SMARCA2: variants seen among roughly 807,000 people sequenced by gnomAD.
The protein encoded by SMARCA2 is SWI/SNF related BAF chromatin remodeling complex subunit ATPase 2.
A neutral mutation model predicts 199.8 loss-of-function variants in SMARCA2; 61 were observed. The observed-to-expected ratio is 0.31, with a 90% CI of 0.25 to 0.38. The LOEUF (loss-of-function observed/expected upper bound fraction) is 0.38, where lower values mean the gene tolerates loss of function less well. Among genes scored for constraint, SMARCA2 ranks in the 10% least tolerant of loss-of-function variants. SMARCA2 has a pLI of 1.00. For missense variants in SMARCA2, 1,344 were observed against 2,012.2 expected (o/e 0.67, Z 6.35); for synonymous variants, 935 against 732.0 (o/e 1.28, Z -4.48).
At chr9:2,160,022 G>T in intron 27 of SMARCA2, 2 of 1,419,030 alleles carry the variant, frequency 1.4e-6, no homozygotes, top group Non-Finnish European at 1.9e-6. Flanking sequence ...GTGTGCAACT[G>T]GGTGCTTGAG....
intron 9 of SMARCA2, among the ~76,000 whole-genome samples, chr9:2,069,268 G>A (rs1202624360): frequency 6.6e-6 from 1 of 151,744 alleles, no homozygotes; most frequent in Non-Finnish European, 1.5e-5. Flanking sequence ...GCACATAGAA[G>A]TTAATGGACT....
At chr9:2,190,206 A>C (rs918908150) in intron 32 of SMARCA2, among the ~76,000 whole-genome samples, 3 of 152,210 alleles carry the variant, frequency 2.0e-5, no homozygotes, top group Admixed American at 6.5e-5. Context: ...TGAAGGTGGA[A>C]ATGGGTGCAG....
intron 12 of SMARCA2, among the ~76,000 whole-genome samples, chr9:2,073,902 T>G (rs771084568): frequency 6.6e-6 from 1 of 152,184 alleles, no homozygotes; most frequent in African/African-American, 2.4e-5. Context: ...TGGGAGATGG[T>G]GAAGTGGTCT....
chr9:2,143,197 A>C (rs145986386), intron 27 of SMARCA2, among the ~76,000 whole-genome samples: 2 of 152,304 alleles, frequency 1.3e-5, no homozygotes, highest in Non-Finnish European at 2.9e-5. Context: ...AAGAGGGATC[A>C]GGAGAGTTCC....
intron 2 of SMARCA2, among the ~76,000 whole-genome samples, chr9:2,029,668 G>A (rs369780562): frequency 5.3e-5 from 8 of 152,218 alleles, no homozygotes; most frequent in Admixed American, 2.0e-4. Context: ...ATCCCAAAGA[G>A]TAGAAGGAAA....
At chr9:2,025,746 G>A (rs985353725) in intron 1 of SMARCA2, among the ~76,000 whole-genome samples, 3 of 152,112 alleles carry the variant, frequency 2.0e-5, no homozygotes, top group Admixed American at 2.0e-4. Flanking sequence ...ATTTCCCCAG[G>A]TTTCTTCATA....
In SMARCA2 at chr9:2,166,059, C is replaced by T. The variant is rs74457768; in HGVS notation, c.4199+4156C>T. The stretch of plus-strand genomic sequence containing the variant: ...TTAAAAGGGATGCAGCCATCTGACC[C>T]CTAGCTATTTGTTCTACTTGGAACC... On this transcript the variant is annotated intron_variant, in intron 28 of 33. Coordinates refer to ENST00000349721, the MANE Select transcript of SMARCA2 (RefSeq NM_003070.5). Among the ~76,000 whole-genome samples the T allele has an allele frequency of 1.8e-3, 273 of 152,292 alleles. 1 individual carries two copies. Among genetic ancestry groups the T allele is most frequent in the Admixed American group, 2.7e-3 (42 of 15,294 alleles).
chr9:2,048,270 A>C (rs1260720750), intron 5 of SMARCA2, among the ~76,000 whole-genome samples: 1 of 152,182 alleles, frequency 6.6e-6, no homozygotes, highest in Non-Finnish European at 1.5e-5. Context: ...AGTCAAGATA[A>C]AATGAAGCTA....
At chr9:2,116,164 G>T in intron 25 of SMARCA2, 115 bp downstream of exon 25, 2 of 750,864 alleles carry the variant, frequency 2.7e-6, no homozygotes, top group Admixed American at 4.6e-5. Context: ...TGAAAATGAA[G>T]AAATAAACTG....
At chr9:2,046,886 C>G (rs1819871280) in intron 4 of SMARCA2, among the ~76,000 whole-genome samples, 1 of 152,178 alleles carries the variant, frequency 6.6e-6, no homozygotes, top group African/African-American at 2.4e-5. Context: ...CAGTAGTTTC[C>G]TTAATCAATT....
In SMARCA2 at chr9:2,039,776, ACAGCAGCAGCAGCAGCAGCAGCAG is replaced by A. The variant is rs113070757; in HGVS notation, c.684_707del (p.Gln231_Gln238del). On this transcript the variant is annotated inframe_deletion, in exon 4 of 34. Transcript: ENST00000349721. The surrounding 1 kb of genome is among the most constrained non-coding windows in gnomAD (Gnocchi z 4.8). ...GCTTGCAGCAACAACAGCAGCAGCA[ACAGCAGCAGCAGCAGCAGCAGCAG>A]CAGCAGCAGCAGCAGCAACAGCAGC... 4.4e-5 allele frequency: 70 copies of A among 1,596,348 alleles called. No individual in the cohort carries two copies. The highest frequency in any genetic ancestry group is 1.6e-4 in the Admixed American group (9 of 57,844).
rs928139514 is a variant in SMARCA2, at chr9:2,119,951, C to G, written c.3762+416C>G. On this transcript the variant is annotated intron_variant, in intron 26 of 33. Coordinates refer to ENST00000349721, the MANE Select transcript of SMARCA2 (RefSeq NM_003070.5). The surrounding 1 kb of genome is among the most constrained non-coding windows in gnomAD (Gnocchi z 4.6). ...TCCCAGGCCAGTGTCATTCAGGAAG[C>G]CTACCTGGCTCCTATAGGCATTGGA... 1.3e-5 allele frequency among the ~76,000 whole-genome samples: 2 copies of G among 152,216 alleles called. No individual in the cohort carries two copies. Among genetic ancestry groups the G allele is most frequent in the African/African-American group, 4.8e-5 (2 of 41,448 alleles).
intron 25 of SMARCA2, among the ~76,000 whole-genome samples, chr9:2,118,551 T>C (rs1823317651): frequency 6.6e-6 from 1 of 152,188 alleles, no homozygotes; most frequent in Admixed American, 6.5e-5. Context: ...TTCCCTCGAC[T>C]GATACACTGA....
Position 2,039,800 on chromosome 9 carries a change from GCAGCAGCAGCAGCAGCAA to G in SMARCA2, c.698_715del (p.Gln233_Gln238del), listed in dbSNP as rs1482658351. 6 of 1,605,076 alleles carry G rather than the reference GCAGCAGCAGCAGCAGCAA, an allele frequency of 3.7e-6. No homozygotes were observed. In the African/African-American group the frequency reaches 4.0e-5, roughly 11 times the overall value. ...AACAGCAGCAGCAGCAGCAGCAGCA[GCAGCAGCAGCAGCAGCAA>G]CAGCAGCCGCAGCAGCAGCCGCCGC... is the stretch of plus-strand genomic sequence containing the variant. On this transcript the variant is annotated inframe_deletion, in exon 4 of 34. Transcript: ENST00000349721. The surrounding 1 kb of genome is among the most constrained non-coding windows in gnomAD (Gnocchi z 4.8).
intron 27 of SMARCA2, among the ~76,000 whole-genome samples, chr9:2,154,529 G>A (rs185687107): frequency 1.0e-3 from 156 of 152,246 alleles, no homozygotes; most frequent in Admixed American, 1.9e-3. Context: ...TTAATTTGAT[G>A]TTCTTAACCA....
At position 2,047,280 on chromosome 9, in the gene SMARCA2, C is replaced by A; in HGVS notation, c.842C>A (p.Pro281His). ...AGCACCCCGCAGAAGCTGCCGGTGC[C>A]CGCGCCCGGCGGCCGGCCCTCGCCC... ...GPSTPQKLPV[P>H]APGGRPSPAP... Residue 281 changes from proline (P) to histidine (H), a missense_variant, in exon 5 of 34, where the codon CCC becomes CAC. Around this residue, in one of 18 missense-constraint regions of SMARCA2, gnomAD observed 117 missense variants for 99.1 expected, o/e 1.18. Coordinates refer to ENST00000349721, the MANE Select transcript of SMARCA2 (RefSeq NM_003070.5). 2 of 994,682 alleles carry A rather than the reference C, an allele frequency of 2.0e-6. No individual in the cohort carries two copies. The highest frequency in any genetic ancestry group is 9.1e-5 in the South Asian group (2 of 21,976). 61.6% of individuals were successfully genotyped at this position (994,682 alleles called of 1,614,324 possible). A position where few individuals can be genotyped will look rare whatever the true frequency, so the allele number is the denominator to read the frequency against.
chr9:2,188,879 G>T (rs1827679931), intron 32 of SMARCA2, among the ~76,000 whole-genome samples: 1 of 152,178 alleles, frequency 6.6e-6, no homozygotes. Context: ...CTTTCTTGCT[G>T]GCTGCCAGTG....
chr9:2,030,033 G>A (rs1818995369), intron 2 of SMARCA2, among the ~76,000 whole-genome samples: 1 of 152,144 alleles, frequency 6.6e-6, no homozygotes, highest in Non-Finnish European at 1.5e-5. Context: ...AATCTATGAG[G>A]ACATTACATA....
chr9:2,190,823 ATTTTCT>A (rs1827827024), intron 32 of SMARCA2, among the ~76,000 whole-genome samples: 1 of 152,076 alleles, frequency 6.6e-6, no homozygotes, highest in East Asian at 1.9e-4. Flanking sequence ...AACTATTTGA[ATTTTCT>A]TTTTAAGTCA....
Sources: gnomAD v4.1 joint callset for allele counts (sites outside exome capture counted in the v4.1 genomes callset) on GRCh38, gnomAD v4.1.1 for gene constraint, gnomAD v4.1.1 regional missense constraint, Gnocchi (gnomAD v3.1) non-coding constraint, MANE v1.5 for transcripts, NCBI Gene and HGNC (gene_info 2026-07-23, HGNC 2026-07-21) for gene names.